Variants in CPEB4 observed in about 807,000 individuals in gnomAD.
CPEB4 encodes the protein cytoplasmic polyadenylation element-binding protein 4.
A neutral mutation model predicts 72.5 loss-of-function variants in CPEB4; 12 were observed. The observed-to-expected ratio is 0.17, with a 90% CI of 0.11 to 0.27. CPEB4 has a LOEUF of 0.27. CPEB4 is among the 10% of genes least tolerant of loss of function. CPEB4 has a pLI of 1.00. For missense variants in CPEB4, 614 were observed against 908.5 expected (o/e 0.68, Z 4.17); for synonymous variants, 302 against 326.3 (o/e 0.93, Z 0.80).
At chr5:173,914,070 A>G (rs1756776178) in intron 2 of CPEB4, among the ~76,000 whole-genome samples, 1 of 152,236 alleles carries the variant, frequency 6.6e-6, no homozygotes, top group East Asian at 1.9e-4. Flanking sequence ...GTTTTTTCCT[A>G]CAAAGAGCAG....
chr5:173,949,743 ATTC>A (rs1396363221), intron 6 of CPEB4, 146 bp downstream of exon 6: 4 of 684,446 alleles, frequency 5.8e-6, no homozygotes, highest in South Asian at 3.9e-5. Flanking sequence ...TCAACATAAT[ATTC>A]TTTTAATTCA....
intron 2 of CPEB4, among the ~76,000 whole-genome samples, chr5:173,927,968 TA>T (rs1757309724): frequency 6.6e-6 from 1 of 152,128 alleles, no homozygotes; most frequent in South Asian, 2.1e-4. Flanking sequence ...TATTAAGCAC[TA>T]AAAAGAAATG....
rs1175190319 is a variant in CPEB4, at chr5:173,960,063, T to G, written c.*3926T>G. On this transcript the variant is annotated 3_prime_UTR_variant, in exon 10 of 10. Coordinates refer to ENST00000265085, the MANE Select transcript of CPEB4 (RefSeq NM_030627.4). The stretch of plus-strand genomic sequence containing the variant: ...GTGTATGGGGAGGTTGTAGTATTTA[T>G]TATAGCATTTTAAATAAGGGTAATT... The G allele has an allele frequency of 6.5e-6, 1 of 152,716 alleles. No individual in the cohort carries two copies. Among genetic ancestry groups the G allele is most frequent in the Non-Finnish European group, 1.5e-5 (1 of 68,014 alleles). The allele number at this position is 152,716 out of a possible 1,614,324, so 9.5% of individuals were successfully genotyped here.
chr5:173,919,726 A>G (rs570797115), intron 2 of CPEB4, among the ~76,000 whole-genome samples: 19 of 152,218 alleles, frequency 1.2e-4, no homozygotes, highest in Non-Finnish European at 2.6e-4. Context: ...TAGTTGTCAT[A>G]AAAATATCCA....
In CPEB4 at chr5:173,955,139, A is replaced by C. The variant is rs1758337505; in HGVS notation, c.1963-771A>C. ...AGCCATGAATCTCTCCAGACTAAAA[A>C]TAACCAGCTCTTTTCTAGCTGATGA... is the stretch of plus-strand genomic sequence containing the variant. On this transcript the variant is annotated intron_variant, in intron 9 of 9. Transcript: ENST00000265085. This position sits in a 1 kb window ranked among gnomAD's most constrained non-coding sequence, Gnocchi z 4.7. Among the ~76,000 whole-genome samples the C allele has an allele frequency of 6.6e-6, 1 of 152,206 alleles. No individual in the cohort carries two copies. The highest frequency in any genetic ancestry group is 6.5e-5 in the Admixed American group (1 of 15,280).
Position 173,955,471 on chromosome 5 carries a change from A to G in CPEB4, c.1963-439A>G, listed in dbSNP as rs1306485709. 4.6e-5 allele frequency among the ~76,000 whole-genome samples: 7 copies of G among 152,098 alleles called. No individual in the cohort carries two copies. On this transcript the variant is annotated intron_variant, in intron 9 of 9. Transcript: ENST00000265085. The surrounding 1 kb of genome is among the most constrained non-coding windows in gnomAD (Gnocchi z 4.7). ...TGACGCAGTAGTCAGGCATCTTCACACCAACTTGAATATTGAAGTGCAGTT... is the reference window on the plus strand; with the variant it reads ...TGACGCAGTAGTCAGGCATCTTCACGCCAACTTGAATATTGAAGTGCAGTT...
Position 173,950,544 on chromosome 5 carries a change from G to T in CPEB4, c.1665+466G>T, listed in dbSNP as rs1374496577. Among the ~76,000 whole-genome samples the T allele has an allele frequency of 6.6e-6, 1 of 152,078 alleles. No individual in the cohort carries two copies. The highest frequency in any genetic ancestry group is 2.4e-5 in the African/African-American group (1 of 41,402). Reference sequence around the variant, plus strand: ...CACCTGAACCCAGGAGGCGGAGGTTGCAGTGAGCAGAGATTGCACCATTGC... The same window carrying T: ...CACCTGAACCCAGGAGGCGGAGGTTTCAGTGAGCAGAGATTGCACCATTGC... On this transcript the variant is annotated intron_variant, in intron 7 of 9. Transcript: ENST00000265085. This position sits in a 1 kb window ranked among gnomAD's most constrained non-coding sequence, Gnocchi z 5.0.
intron 2 of CPEB4, among the ~76,000 whole-genome samples, chr5:173,912,814 C>T (rs1217873068): frequency 6.7e-6 from 1 of 149,572 alleles, no homozygotes; most frequent in African/African-American, 2.5e-5. Context: ...TAGCAACCCA[C>T]ACCTATGTTC....
At chr5:173,926,888 C>G (rs561407219) in intron 2 of CPEB4, among the ~76,000 whole-genome samples, 1 of 152,288 alleles carries the variant, frequency 6.6e-6, no homozygotes, top group Non-Finnish European at 1.5e-5. Flanking sequence ...GTGGCTCATG[C>G]CTGTAATCCC....
intron 3 of CPEB4, among the ~76,000 whole-genome samples, chr5:173,938,557 C>A (rs1028829304): frequency 6.6e-6 from 1 of 152,122 alleles, no homozygotes; most frequent in Non-Finnish European, 1.5e-5. Context: ...AACATCTTAT[C>A]ATCTGAGCTA....
At chr5:173,935,961 G>A (rs1388727078) in intron 3 of CPEB4, among the ~76,000 whole-genome samples, 1 of 152,128 alleles carries the variant, frequency 6.6e-6, no homozygotes, top group Non-Finnish European at 1.5e-5. Context: ...ATGTTAAAAG[G>A]CAGTGCCAAT....
intron 2 of CPEB4, among the ~76,000 whole-genome samples, chr5:173,921,716 G>C (rs892721268): frequency 6.6e-6 from 1 of 152,188 alleles, no homozygotes; most frequent in South Asian, 2.1e-4. Flanking sequence ...TGGTTTGGAA[G>C]TGTCTTATAT....
intron 1 of CPEB4, among the ~76,000 whole-genome samples, chr5:173,904,356 A>G (rs1410444281): frequency 6.6e-6 from 1 of 152,210 alleles, no homozygotes; most frequent in Admixed American, 6.5e-5. Context: ...TACTACCACC[A>G]GTACTCCTGT....
At chr5:173,942,279 T>C (rs1757874299) in intron 3 of CPEB4, among the ~76,000 whole-genome samples, 2 of 152,176 alleles carry the variant, frequency 1.3e-5, no homozygotes, top group Non-Finnish European at 2.9e-5. Context: ...AGAATTGAGG[T>C]GTTTGGACAG....
At chr5:173,927,775 TAA>T (rs879857220) in intron 2 of CPEB4, among the ~76,000 whole-genome samples, 1 of 143,402 alleles carries the variant, frequency 7.0e-6, no homozygotes, top group African/African-American at 2.6e-5. Context: ...AGACTCCATC[TAA>T]AAAAAAAAAA....
chr5:173,937,019 CTTTTTTTTTTTT>C (rs150187685), intron 3 of CPEB4, among the ~76,000 whole-genome samples: 7 of 97,214 alleles, frequency 7.2e-5, no homozygotes, highest in African/African-American at 2.8e-4. Context: ...CATTTCTTTC[CTTTTTTTTTTTT>C]TTTTTTTTTT....
rs954946159 is a variant in CPEB4, at chr5:173,900,924, T to C, written c.1126-9599T>C. On this transcript the variant is annotated intron_variant, in intron 1 of 9. Transcript: ENST00000265085. The surrounding 1 kb of genome is among the most constrained non-coding windows in gnomAD (Gnocchi z 4.4). ...CTGATGAAATTAAGGTTCAATGATA[T>C]TGCAGCATCAAGATCACTTGCTTAG... 3.3e-5 allele frequency among the ~76,000 whole-genome samples: 5 copies of C among 152,190 alleles called. No homozygotes were observed. Among genetic ancestry groups the C allele is most frequent in the Middle Eastern group, 3.2e-3 (1 of 316 alleles).
In CPEB4 at chr5:173,957,566, A is replaced by G. The variant is rs1758419026; in HGVS notation, c.*1429A>G. The stretch of plus-strand genomic sequence containing the variant: ...GTGTTGAACAGTATGCTTCAGGGGT[A>G]AATTTAAAATAGTCTCTTGAAGCCC... On this transcript the variant is annotated 3_prime_UTR_variant, in exon 10 of 10. Transcript: ENST00000265085. The G allele has an allele frequency of 6.5e-6, 1 of 152,798 alleles. No individual in the cohort carries two copies. Among genetic ancestry groups the G allele is most frequent in the Non-Finnish European group, 1.5e-5 (1 of 68,048 alleles). The allele number at this position is 152,798 out of a possible 1,614,324, so 9.5% of individuals were successfully genotyped here.
intron 6 of CPEB4, 129 bp from the exon 7 acceptor site, chr5:173,949,831 G>A: frequency 1.3e-6 from 1 of 762,570 alleles, no homozygotes. Flanking sequence ...CAGACTTTTG[G>A]TATAAATATT....
Sources: gnomAD v4.1 joint callset for allele counts (sites outside exome capture counted in the v4.1 genomes callset) on GRCh38, gnomAD v4.1.1 for gene constraint, Gnocchi (gnomAD v3.1) non-coding constraint, MANE v1.5 for transcripts, NCBI Gene and HGNC (gene_info 2026-07-23, HGNC 2026-07-21) for gene names.